AGAP4: variants seen among roughly 807,000 people sequenced by gnomAD.
The protein encoded by AGAP4 is ArfGAP with GTPase domain, ankyrin repeat and PH domain 4.
A neutral mutation model predicts 60.7 loss-of-function variants in AGAP4; 13 were observed. That is an observed-to-expected ratio of 0.21 (90% CI 0.14 to 0.34). The LOEUF is 0.34. Among genes scored for constraint, AGAP4 ranks in the 10% least tolerant of loss-of-function variants. The pLI is 1.00. For missense variants in AGAP4, 169 were observed against 884.0 expected, an observed-to-expected ratio of 0.19 and a Z score of 10.26; for synonymous variants, 70 against 339.0, an observed-to-expected ratio of 0.21 and a Z score of 8.72.
intron 2 of AGAP4, 145 bp from the exon 3 acceptor site, chr10:45,844,539 A>G: frequency 7.0e-7 from 1 of 1,425,344 alleles, no homozygotes; most frequent in Non-Finnish European, 9.3e-7. Flanking sequence ...GACATAAGAG[A>G]GAGCCAGGCA....
At chr10:45,839,582 A>C (rs1447089096) in intron 4 of AGAP4, among the ~76,000 whole-genome samples, 1 of 129,372 alleles carries the variant, frequency 7.7e-6, no homozygotes. Flanking sequence ...CAGGCAGAAA[A>C]CTGGGAGATC....
upstream of AGAP4, among the ~76,000 whole-genome samples, chr10:45,849,605 G>A (rs1261838714): frequency 1.7e-4 from 25 of 150,722 alleles, no homozygotes; most frequent in East Asian, 2.2e-3. Context: ...AAATGATTCT[G>A]GCTATTAACC....
At chr10:45,849,543 T>C (rs1281855805), upstream of AGAP4, among the ~76,000 whole-genome samples, 2 of 151,166 alleles carry the variant, frequency 1.3e-5, no homozygotes, top group Admixed American at 6.6e-5. Context: ...AAATTGTTTC[T>C]CTAATTTCAT....
chr10:45,826,989 T>C lies in AGAP4; in HGVS notation c.987A>G (p.Lys329=), dbSNP rs1267659718. 1.3e-5 allele frequency: 17 copies of C among 1,337,978 alleles called. 1 individual carries two copies. Among genetic ancestry groups the C allele is most frequent in the Non-Finnish European group, 1.8e-5 (17 of 970,876 alleles). The allele number at this position is 1,337,978 out of a possible 1,614,324, so 82.9% of individuals were successfully genotyped here. A position where few individuals can be genotyped will look rare whatever the true frequency, so the allele number is the denominator to read the frequency against. ...TGGTAGATGTCTGAAGGTCAATCTC[T>C]TTTTTATGAATATTCTTCATATAAT... ...LGDYMKNIHK[K]EIDLQTSTIK... Residue 329 remains lysine (K), a synonymous_variant, in exon 8 of 8, where the codon AAA becomes AAG. Coordinates refer to ENST00000616763, the MANE Select transcript of AGAP4 (RefSeq NM_001276343.3).
rs2058718478 is a variant in AGAP4 at position 45,830,690 on chromosome 10, T to A, written c.533+704A>T. Among the ~76,000 whole-genome samples the A allele has an allele frequency of 1.6e-5, 2 of 128,576 alleles. 1 individual carries two copies. The allele number at this position is 128,576 out of a possible 152,430, so 84.4% of individuals were successfully genotyped here. A position where few individuals can be genotyped will look rare whatever the true frequency, so the allele number is the denominator to read the frequency against. On this transcript the variant is annotated intron_variant, in intron 6 of 7. Transcript: ENST00000616763. ...TTAGTAGAGACGGGGCTTCGCTGTGTTAGCCAGGATGGTCTCGATCTCCTG... is the reference window on the plus strand; with the variant it reads ...TTAGTAGAGACGGGGCTTCGCTGTGATAGCCAGGATGGTCTCGATCTCCTG...
chr10:45,853,735 C>A, exon 1 of AGAP4: 1 of 1,287,952 alleles, frequency 7.8e-7, no homozygotes, highest in Non-Finnish European at 1.0e-6. Context: ...CAGCAGCAGC[C>A]AACAGGTCTG....
chr10:45,847,548 C>A (rs2059020825), upstream of AGAP4: 8 of 1,449,450 alleles, frequency 5.5e-6, no homozygotes, highest in Non-Finnish European at 7.2e-6. Context: ...CGGGCCAAGG[C>A]CCGCACCCTG....
At chr10:45,851,403 A>G (rs2059082438), upstream of AGAP4, among the ~76,000 whole-genome samples, 1 of 152,044 alleles carries the variant, frequency 6.6e-6, no homozygotes, top group South Asian at 2.1e-4. Context: ...GGTACTCAAC[A>G]TGTATTATCC....
rs1205006411 is a variant in AGAP4, at chr10:45,847,165, G to A, written c.183C>T (p.Asp61=). ...PAEVTVEVGE[D]LHMHHVRDRE... ...GGTCACGAACGTGGTGCATGTGGAG[G>A]TCCTCACCAACTTCAACAGTCACCT... is the stretch of plus-strand genomic sequence containing the variant. Residue 61 remains aspartate (D), a synonymous_variant, in exon 1 of 8, where the codon GAC becomes GAT. Coordinates refer to ENST00000616763, the MANE Select transcript of AGAP4 (RefSeq NM_001276343.3). 4.4e-6 allele frequency: 7 copies of A among 1,600,590 alleles called. No homozygotes were observed. Among genetic ancestry groups the A allele is most frequent in the Non-Finnish European group, 5.9e-6 (7 of 1,179,700 alleles).
At chr10:45,834,423 C>A (rs1378143870) in intron 4 of AGAP4, among the ~76,000 whole-genome samples, 1 of 141,538 alleles carries the variant, frequency 7.1e-6, no homozygotes, top group African/African-American at 2.9e-5. Flanking sequence ...CACCTGTAAT[C>A]CTAGCACTTT....
rs2058662976 is a variant in AGAP4 at position 45,827,277 on chromosome 10, A to G, written c.699T>C (p.Val233=). 6.3e-7 allele frequency: 1 copy of G among 1,574,868 alleles called. No individual in the cohort carries two copies. Among genetic ancestry groups the G allele is most frequent in the Non-Finnish European group, 8.6e-7 (1 of 1,162,754 alleles). ...GGGTGGGTGTGTTGGCAGTGGGAGG[A>G]ACACTGAACTGAGGGTCCTCCTGGC... The part of the protein sequence containing the change: ...STSQEDPQFS[V]PPTANTPTPV... The change falls in exon 8 of 8, where the codon GTT becomes GTC. Residue 233 remains valine (V), a synonymous_variant. Transcript: ENST00000616763.
chr10:45,852,584 A>G (rs1294484322), intron 1 of AGAP4, among the ~76,000 whole-genome samples: 3 of 151,730 alleles, frequency 2.0e-5, no homozygotes, highest in African/African-American at 7.3e-5. Context: ...AATCATTATC[A>G]TAGGAAGCAA....
At chr10:45,844,503 T>TAAGAA in intron 2 of AGAP4, 109 bp from the exon 3 acceptor site, 2 of 1,529,930 alleles carry the variant, frequency 1.3e-6, no homozygotes, top group Non-Finnish European at 1.8e-6. Flanking sequence ...TCTACTTTGA[T>TAAGAA]TCTTATCCAT....
At chr10:45,853,439 G>A (rs2135981426) in intron 1 of AGAP4, among the ~76,000 whole-genome samples, 1 of 151,464 alleles carries the variant, frequency 6.6e-6, no homozygotes, top group South Asian at 2.1e-4. Flanking sequence ...TGTAGACTAT[G>A]CCCAGTGATA....
In AGAP4 at chr10:45,847,430, T is replaced by C; in HGVS notation, c.-83A>G. ...CTCCCGCTGTCCTAGGCCGAGGCTA[T>C]GCTGCACTTGCAGAGATGGTCTTCC... On this transcript the variant is annotated 5_prime_UTR_variant, in exon 1 of 8. Coordinates refer to ENST00000616763, the MANE Select transcript of AGAP4 (RefSeq NM_001276343.3). The C allele has an allele frequency of 6.5e-7, 1 of 1,535,540 alleles. No individual in the cohort carries two copies.
intron 6 of AGAP4, among the ~76,000 whole-genome samples, chr10:45,830,234 G>A (rs1288739184): frequency 2.1e-5 from 3 of 143,566 alleles, no homozygotes; most frequent in East Asian, 2.1e-4. Context: ...GTGCAATGGC[G>A]AGATCTCGGC....
chr10:45,849,170 G>A (rs1590043207), upstream of AGAP4, among the ~76,000 whole-genome samples: 1 of 148,980 alleles, frequency 6.7e-6, no homozygotes, highest in African/African-American at 2.4e-5. Context: ...AGACTGCAGT[G>A]AGCCAAGATC....
upstream of AGAP4, among the ~76,000 whole-genome samples, chr10:45,849,824 G>A (rs2059060837): frequency 6.6e-6 from 1 of 151,176 alleles, no homozygotes; most frequent in South Asian, 2.1e-4. Flanking sequence ...ATTTTTAGTA[G>A]AGACGGGGTT....
intron 4 of AGAP4, among the ~76,000 whole-genome samples, chr10:45,840,139 TAG>T (rs2058893781): frequency 6.8e-6 from 1 of 147,858 alleles, no homozygotes; most frequent in South Asian, 2.2e-4. Flanking sequence ...TTCAGAACCT[TAG>T]AGAGAGAGAT....
Sources: gnomAD v4.1 joint callset for allele counts (sites outside exome capture counted in the v4.1 genomes callset) on GRCh38, gnomAD v4.1.1 for gene constraint, MANE v1.5 for transcripts, NCBI Gene and HGNC (gene_info 2026-07-23, HGNC 2026-07-21) for gene names.